The following TRPC4 variants were observed in gnomAD, a reference collection of about 807,000 sequenced individuals.
TRPC4 encodes the protein short transient receptor potential channel 4.
Under a neutral mutation model 99.4 loss-of-function variants are expected in TRPC4, and 49 were observed. The observed-to-expected ratio is 0.49, with a 90% confidence interval of 0.39 to 0.63. The LOEUF is 0.63. Among genes scored for constraint, TRPC4 ranks in the 20% least tolerant of loss-of-function variants. TRPC4 has a pLI of 0.00. For missense variants in TRPC4, 898 were observed against 1,152.9 expected (o/e 0.78, Z 3.20); for synonymous variants, 454 against 425.9 (o/e 1.07, Z -0.81).
In TRPC4 at chr13:37,705,044, CCTAA is replaced by C. The variant is rs151159246; in HGVS notation, c.898-12713_898-12710del. On this transcript the variant is annotated intron_variant, in intron 3 of 10. Transcript: ENST00000379705. ...CACAATAATCAAGATATGGAATCAA[CCTAA>C]CTGTCTATCAATGTATCAAAGGATA... Among the ~76,000 whole-genome samples, 982 of 152,168 alleles carry C rather than the reference CCTAA, an allele frequency of 6.5e-3. 12 individuals carry two copies. The highest frequency in any genetic ancestry group is 0.023 in the African/African-American group (947 of 41,528).
At chr13:37,729,229 G>C (rs1431687330) in intron 3 of TRPC4, among the ~76,000 whole-genome samples, 3 of 152,046 alleles carry the variant, frequency 2.0e-5, no homozygotes, top group Admixed American at 1.3e-4. Context: ...TTGCAAAGAG[G>C]CTCGACATCA....
At chr13:37,719,127 C>A (rs752109693) in intron 3 of TRPC4, among the ~76,000 whole-genome samples, 1 of 152,132 alleles carries the variant, frequency 6.6e-6, no homozygotes, top group Non-Finnish European at 1.5e-5. Flanking sequence ...GGGGCAGTAT[C>A]TTTAAAATGC....
chr13:37,730,142 T>C (rs1955196558), intron 3 of TRPC4, among the ~76,000 whole-genome samples: 1 of 152,078 alleles, frequency 6.6e-6, no homozygotes, highest in Admixed American at 6.6e-5. Flanking sequence ...GAGAAAGGTC[T>C]TATATTTTGA....
chr13:37,720,451 TTAGTAG>T (rs1450161774), intron 3 of TRPC4, among the ~76,000 whole-genome samples: 2 of 152,098 alleles, frequency 1.3e-5, no homozygotes, highest in South Asian at 4.1e-4. Flanking sequence ...GAGGTTATTA[TTAGTAG>T]TAGTAGTATT....
At chr13:37,784,574 T>C (rs1956924522) in intron 1 of TRPC4, among the ~76,000 whole-genome samples, 2 of 152,050 alleles carry the variant, frequency 1.3e-5, no homozygotes, top group Non-Finnish European at 2.9e-5. Context: ...CATATTTATT[T>C]GGATATGTTT....
rs1033860264 is a variant in TRPC4, at chr13:37,705,532, ATAT to A, written c.898-13200_898-13198del. ...TTGCATAATGTATGCACATTTCAAAATATTATATTGTAATCAATAAATATATGC... is the reference window on the plus strand; with the variant it reads ...TTGCATAATGTATGCACATTTCAAAATATATTGTAATCAATAAATATATGC... On this transcript the variant is annotated intron_variant, in intron 3 of 10. Transcript: ENST00000379705. Among the ~76,000 whole-genome samples, 18 of 151,028 alleles carry A rather than the reference ATAT, an allele frequency of 1.2e-4. No individual in the cohort carries two copies. The South Asian group carries it at 3.1e-3, about 26-fold the overall frequency.
intron 1 of TRPC4, among the ~76,000 whole-genome samples, chr13:37,815,593 C>T (rs1028496996): frequency 1.3e-5 from 2 of 151,828 alleles, no homozygotes; most frequent in African/African-American, 4.8e-5. Flanking sequence ...ATGCACCTAA[C>T]AAGAGGCACT....
In TRPC4 at chr13:37,868,291, GT is replaced by G. The variant is rs11390899; in HGVS notation, c.-28+1303del. Among the ~76,000 whole-genome samples the G allele has an allele frequency of 8.6e-5, 13 of 151,490 alleles. No homozygotes were observed. In the South Asian group the frequency reaches 2.1e-3, roughly 24 times the overall value. On this transcript the variant is annotated intron_variant, in intron 1 of 10. Transcript: ENST00000379705. ...CAAGTAAATTGAAATTGATCTTATT[GT>G]TTTTTTTCCCCCCTTAAACATTTAA... is the stretch of plus-strand genomic sequence containing the variant.
intron 3 of TRPC4, among the ~76,000 whole-genome samples, chr13:37,711,015 C>A (rs1478958295): frequency 6.6e-6 from 1 of 151,900 alleles, no homozygotes; most frequent in African/African-American, 2.4e-5. Flanking sequence ...ATCTTCTTCA[C>A]AAAGTAACCA....
Position 37,663,634 on chromosome 13 carries a change from C to T in TRPC4, c.1470G>A (p.Leu490=), listed in dbSNP as rs1479985629. 2 of 1,614,110 alleles carry T rather than the reference C, an allele frequency of 1.2e-6. No homozygotes were observed. The highest frequency in any genetic ancestry group is 2.2e-5 in the East Asian group (1 of 44,870). ...TTGCAGTAAACAGTGAGATCAGACG[C>T]AGAGAACTGAAGATGTTTGCAATAG... The part of the protein sequence containing the change: ...LFAIANIFSS[L]RLISLFTANS... The change falls in exon 6 of 11, where the codon CTG becomes CTA. Residue 490 remains leucine (L), a synonymous_variant. Transcript: ENST00000379705.
At chr13:37,831,638 T>C (rs1414584592) in intron 1 of TRPC4, among the ~76,000 whole-genome samples, 1 of 152,210 alleles carries the variant, frequency 6.6e-6, no homozygotes, top group Admixed American at 6.5e-5. Context: ...CCTAAGTGTA[T>C]ATAAATGGAT....
intron 3 of TRPC4, among the ~76,000 whole-genome samples, chr13:37,704,820 TATC>T (rs1460477967): frequency 6.6e-6 from 1 of 152,142 alleles, no homozygotes; most frequent in Non-Finnish European, 1.5e-5. Flanking sequence ...TATCATGGCA[TATC>T]ATCATAATAA....
intron 4 of TRPC4, among the ~76,000 whole-genome samples, chr13:37,682,370 G>T (rs1159108253): frequency 1.3e-5 from 2 of 152,088 alleles, no homozygotes; most frequent in Admixed American, 1.3e-4. Flanking sequence ...TCAAATCAGG[G>T]AATATAAAAG....
intron 3 of TRPC4, among the ~76,000 whole-genome samples, chr13:37,725,025 C>T (rs1333456090): frequency 6.6e-6 from 1 of 151,784 alleles, no homozygotes; most frequent in Non-Finnish European, 1.5e-5. Context: ...ATCACAAAAA[C>T]TATGTATGAA....
At chr13:37,643,246 A>G (rs898209850) in intron 8 of TRPC4, among the ~76,000 whole-genome samples, 1 of 152,164 alleles carries the variant, frequency 6.6e-6, no homozygotes, top group Admixed American at 6.5e-5. Context: ...AATTTAAGGT[A>G]TATTTATTAA....
intron 1 of TRPC4, among the ~76,000 whole-genome samples, chr13:37,835,163 C>G (rs1958532895): frequency 6.6e-6 from 1 of 152,036 alleles, no homozygotes; most frequent in African/African-American, 2.4e-5. Flanking sequence ...CAACAATTAT[C>G]CTTTCAAAGT....
rs1471540671 is a variant in TRPC4 at position 37,637,566 on chromosome 13, G to A, written c.2271C>T (p.Ser757=). 6.2e-7 allele frequency: 1 copy of A among 1,612,450 alleles called. No individual in the cohort carries two copies. Reference sequence around the variant, plus strand: ...TCGCAGATTGTATTGTGGAAAGTTTGCTTCCTCTTAGTAATCCCAGGACTT... The same window carrying A: ...TCGCAGATTGTATTGTGGAAAGTTTACTTCCTCTTAGTAATCCCAGGACTT... ...RFEVLGLLRG[S]KLSTIQSANA... is the part of the protein sequence containing the mutation. Residue 757 remains serine, a synonymous_variant, in exon 11 of 11, where the codon AGC becomes AGT. Coordinates refer to ENST00000379705, the MANE Select transcript of TRPC4 (RefSeq NM_016179.4).
intron 1 of TRPC4, among the ~76,000 whole-genome samples, chr13:37,806,287 C>T (rs1464038418): frequency 6.6e-6 from 1 of 152,038 alleles, no homozygotes; most frequent in African/African-American, 2.4e-5. Flanking sequence ...TCTTTACCTT[C>T]ATCTTTGATA....
chr13:37,822,105 AT>A (rs1958030051), intron 1 of TRPC4, among the ~76,000 whole-genome samples: 1 of 152,150 alleles, frequency 6.6e-6, no homozygotes, highest in South Asian at 2.1e-4. Context: ...ACTTAAATTT[AT>A]AAGAAATAAA....
Sources: allele counts gnomAD v4.1 joint callset (sites outside exome capture counted in the v4.1 genomes callset), GRCh38; gene constraint gnomAD v4.1.1; transcripts MANE v1.5; gene names NCBI Gene and HGNC (gene_info 2026-07-23, HGNC 2026-07-21).